The following AASS variants were observed in gnomAD, a reference collection of about 807,000 sequenced individuals.
The protein encoded by AASS is aminoadipate-semialdehyde synthase.
AASS carries 86 observed loss-of-function variants against 105.4 expected under a neutral mutation model. The ratio of observed to expected loss-of-function variants is 0.82; its 90% CI spans 0.69 to 0.98. The LOEUF is 0.98. Ranked by LOEUF, AASS falls within the 50% of genes least tolerant of loss-of-function variation. The probability of loss-of-function intolerance (pLI) is 0.00; values close to 1 mark genes in which losing one functional copy is unlikely to be tolerated. For synonymous variants in AASS, 381 were observed against 394.8 expected, an observed-to-expected ratio of 0.96 and a Z score of 0.41; for missense variants, 1,048 against 1,143.2, an observed-to-expected ratio of 0.92 and a Z score of 1.20.
At chr7:122,095,448 GT>G (rs564807883) in intron 15 of AASS, among the ~76,000 whole-genome samples, 115 of 151,932 alleles carry the variant, frequency 7.6e-4, no homozygotes, top group African/African-American at 2.4e-3. Flanking sequence ...TATTTAATTT[GT>G]TTTTTAATGC....
At chr7:122,076,647 G>C (rs761318933) in intron 23 of AASS, 40 bp from the exon 24 acceptor site, 1 of 1,420,250 alleles carries the variant, frequency 7.0e-7, no homozygotes, top group East Asian at 2.3e-5. Context: ...TTCAAAGGTT[G>C]TGTCAGAGGT....
At chr7:122,080,364 C>T (rs1257174904) in intron 20 of AASS, among the ~76,000 whole-genome samples, 1 of 152,170 alleles carries the variant, frequency 6.6e-6, no homozygotes, top group Middle Eastern at 3.4e-3. Context: ...GTTTATGTAT[C>T]GTCTATGGGA....
In AASS at chr7:122,101,050, G is replaced by A. The variant is rs536960476; in HGVS notation, c.1406+321C>T. Among the ~76,000 whole-genome samples, 6 of 151,874 alleles carry A rather than the reference G, an allele frequency of 4.0e-5. No homozygotes were observed. The South Asian group carries it at 1.2e-3, about 32-fold the overall frequency. ...CTCATTTTCCTTTGAGAAAATAACCGAGGCATGATCATGTATCAAAAGCTA... is the reference window on the plus strand; with the variant it reads ...CTCATTTTCCTTTGAGAAAATAACCAAGGCATGATCATGTATCAAAAGCTA... On this transcript the variant is annotated intron_variant, in intron 13 of 23. Coordinates refer to ENST00000417368, the MANE Select transcript of AASS (RefSeq NM_005763.4).
chr7:122,080,807 C>CT (rs1014804094), intron 20 of AASS, among the ~76,000 whole-genome samples: 1 of 152,082 alleles, frequency 6.6e-6, no homozygotes, highest in East Asian at 1.9e-4. Context: ...AATACCAAAA[C>CT]TTTTTTTTGA....
At position 122,076,199 on chromosome 7, in the gene AASS, AC is replaced by A. The variant is rs1164346898; in HGVS notation, c.*289del. On this transcript the variant is annotated 3_prime_UTR_variant, in exon 24 of 24. Transcript: ENST00000417368. ...AAAAAACAACAACAACAAAAAAAAAACAAAAGAAAAAAAGTGGCACAATAAA... is the reference window on the plus strand; with the variant it reads ...AAAAAACAACAACAACAAAAAAAAAAAAAAGAAAAAAAGTGGCACAATAAA... 4 of 331,112 alleles carry A rather than the reference AC, an allele frequency of 1.2e-5. No homozygotes were observed. The highest frequency in any genetic ancestry group is 6.4e-5 in the South Asian group (2 of 31,388). 20.5% of individuals were successfully genotyped at this position (331,112 alleles called of 1,614,324 possible). A position where few individuals can be genotyped will look rare whatever the true frequency, so the allele number is the denominator to read the frequency against.
intron 11 of AASS, among the ~76,000 whole-genome samples, chr7:122,109,703 G>GA (rs145632627): frequency 0.087 from 12,718 of 146,350 alleles, 590 homozygotes; most frequent in East Asian, 0.15. Flanking sequence ...ACTACTAGAA[G>GA]AAAAAAAAAA....
chr7:122,131,277 A>T (rs2150551747), intron 2 of AASS, among the ~76,000 whole-genome samples: 1 of 151,838 alleles, frequency 6.6e-6, no homozygotes, highest in African/African-American at 2.4e-5. Context: ...ACCAAAAAAA[A>T]TTCAAATAAG....
chr7:122,079,603 G>A lies in AASS; in HGVS notation c.2390C>T (p.Ala797Val). The A allele has an allele frequency of 6.2e-7, 1 of 1,610,154 alleles. No individual in the cohort carries two copies. The highest frequency in any genetic ancestry group is 8.5e-7 in the Non-Finnish European group (1 of 1,176,458). ...TTGAGTGGTGGGTGCCTACCATTCA[G>A]CAGCCTCCAACTGGGTATTGTCTCC... ...LGGDNTQLEA[A>V]EWLGLLGDEQ... Residue 797 changes from alanine to valine, a missense_variant, in exon 21 of 24, where the codon GCT (alanine) becomes GTT (valine). Transcript: ENST00000417368.
In AASS at chr7:122,131,773, G is replaced by T. The variant is rs542672750; in HGVS notation, c.210+1744C>A. Among the ~76,000 whole-genome samples the T allele has an allele frequency of 4.6e-5, 7 of 152,096 alleles. No individual in the cohort carries two copies. The South Asian group carries it at 1.2e-3, about 27-fold the overall frequency. The stretch of plus-strand genomic sequence containing the variant: ...TAATAAAAGAAAACAAGTCTTCTTG[G>T]TGAAATTATTAATTTCCTGATGTGG... On this transcript the variant is annotated intron_variant, in intron 2 of 23. Transcript: ENST00000417368.
chr7:122,099,034 A>G (rs535130517), intron 13 of AASS, among the ~76,000 whole-genome samples, 168 bp from the exon 14 acceptor site: 4 of 151,874 alleles, frequency 2.6e-5, no homozygotes, highest in Non-Finnish European at 4.4e-5. Flanking sequence ...TGAGTTCCCT[A>G]TAACAACATG....
intron 4 of AASS, among the ~76,000 whole-genome samples, chr7:122,125,867 C>G (rs1795635701): frequency 6.6e-6 from 1 of 152,194 alleles, no homozygotes; most frequent in African/African-American, 2.4e-5. Flanking sequence ...CATAAGGAAT[C>G]TTCTATTTTT....
chr7:122,085,861 C>T, intron 19 of AASS, 151 bp downstream of exon 19: 1 of 897,584 alleles, frequency 1.1e-6, no homozygotes, highest in Middle Eastern at 3.2e-4. Flanking sequence ...GGTGAGTCTC[C>T]TAAAATATTC....
chr7:122,141,827 A>T (rs1446617951), intron 1 of AASS, among the ~76,000 whole-genome samples: 4 of 152,184 alleles, frequency 2.6e-5, no homozygotes, highest in African/African-American at 9.7e-5. Flanking sequence ...TTACCCAGAC[A>T]AAAATATAAT....
intron 20 of AASS, among the ~76,000 whole-genome samples, chr7:122,080,135 A>T (rs2150507619): frequency 6.6e-6 from 1 of 152,332 alleles, no homozygotes; most frequent in South Asian, 2.1e-4. Context: ...TTGTAGGTTC[A>T]AGAGATGAGA....
Position 122,113,593 on chromosome 7 carries a change from C to G in AASS, c.1166+5G>C, listed in dbSNP as rs766899459. ...AATATCATCTAACAACTTTAGCAAA[C>G]TCACCTGTCATGAATAATATGCTGG... On this transcript the variant is annotated splice_donor_5th_base_variant and intron_variant, in intron 10 of 23. Coordinates refer to ENST00000417368, the MANE Select transcript of AASS (RefSeq NM_005763.4). The G allele has an allele frequency of 2.5e-6, 4 of 1,613,290 alleles. No individual in the cohort carries two copies. The highest frequency in any genetic ancestry group is 2.2e-5 in the East Asian group (1 of 44,834).
In AASS at chr7:122,074,738, G is replaced by GC. The variant is rs1792922240; in HGVS notation, c.*1750dup. Reference sequence around the variant, plus strand: ...ATCATTTAATGAAAAAGACTATTTTGCCCCCATTGAATTGTCTTAGCACTA... The same window carrying GC: ...ATCATTTAATGAAAAAGACTATTTTGCCCCCCATTGAATTGTCTTAGCACTA... On this transcript the variant is annotated 3_prime_UTR_variant, in exon 24 of 24. Coordinates refer to ENST00000417368, the MANE Select transcript of AASS (RefSeq NM_005763.4). Among the ~76,000 whole-genome samples the GC allele has an allele frequency of 6.6e-6, 1 of 152,048 alleles. No individual in the cohort carries two copies. The highest frequency in any genetic ancestry group is 6.6e-5 in the Admixed American group (1 of 15,266).
intron 11 of AASS, among the ~76,000 whole-genome samples, chr7:122,112,710 A>G (rs1794993208): frequency 6.6e-6 from 1 of 152,208 alleles, no homozygotes; most frequent in Non-Finnish European, 1.5e-5. Flanking sequence ...GCTGTCACTT[A>G]ACTATTAGTG....
intron 1 of AASS, among the ~76,000 whole-genome samples, chr7:122,142,491 C>T (rs961649103): frequency 1.2e-4 from 18 of 152,158 alleles, no homozygotes; most frequent in African/African-American, 4.3e-4. Context: ...CTTCAAACTT[C>T]AGGCATGCAT....
At position 122,079,597 on chromosome 7, in the gene AASS, C is replaced by G; in HGVS notation, c.2396G>C (p.Trp799Ser). The G allele has an allele frequency of 6.2e-7, 1 of 1,603,540 alleles. No individual in the cohort carries two copies. Among genetic ancestry groups the G allele is most frequent in the Non-Finnish European group, 8.5e-7 (1 of 1,170,448 alleles). The change falls in exon 21 of 24, where the codon TGG (tryptophan) becomes TCG (serine). Residue 799 changes from tryptophan to serine, a missense_variant and splice_region_variant. By Grantham distance (177) the Trp-to-Ser change is radical (BLOSUM62 -3). Transcript: ENST00000417368. The part of the protein sequence containing the change: ...GDNTQLEAAE[W>S]LGLLGDEQVP... Reference sequence around the variant, plus strand: ...TCTAAGTTGAGTGGTGGGTGCCTACCATTCAGCAGCCTCCAACTGGGTATT... The same window carrying G: ...TCTAAGTTGAGTGGTGGGTGCCTACGATTCAGCAGCCTCCAACTGGGTATT...
Sources: allele counts gnomAD v4.1 joint callset (sites outside exome capture counted in the v4.1 genomes callset), GRCh38; gene constraint gnomAD v4.1.1; transcripts MANE v1.5; gene names NCBI Gene and HGNC (gene_info 2026-07-23, HGNC 2026-07-21).